The following ZNF654 variants were observed in gnomAD, a reference collection of about 807,000 sequenced individuals.
ZNF654 encodes the protein melanoma-associated antigen.
In ZNF654, 19 loss-of-function variants were observed where a neutral mutation model predicts 95.3. The ratio of observed to expected loss-of-function variants is 0.20; its 90% CI spans 0.14 to 0.29. The LOEUF is 0.29. Ranked by LOEUF, ZNF654 falls within the 10% of genes least tolerant of loss-of-function variation. The pLI, the probability that ZNF654 is intolerant of heterozygous loss-of-function variation, is 1.00. For synonymous variants in ZNF654, 413 were observed against 457.9 expected (o/e 0.90, Z 1.25); for missense variants, 1,046 against 1,341.0 (o/e 0.78, Z 3.44).
At chr3:88,075,718 T>C (rs1004007628) in intron 1 of ZNF654, among the ~76,000 whole-genome samples, 1 of 152,234 alleles carries the variant, frequency 6.6e-6, no homozygotes, top group African/African-American at 2.4e-5. Flanking sequence ...TTGTTTACAT[T>C]TGAGCCTGTT....
rs1182002181 is a variant in ZNF654 at position 88,142,293 on chromosome 3, AAAC to A, written c.*644_*646del. On this transcript the variant is annotated 3_prime_UTR_variant, in exon 9 of 9. Transcript: ENST00000636215. ...CGCCAGCATTGAAAATTAAAAAACA[AAAC>A]AAAAAAAACCACAGTGCTTTGCTAA... The A allele has an allele frequency of 7.1e-5, 4 of 56,074 alleles. No homozygotes were observed. The highest frequency in any genetic ancestry group is 1.3e-3 in the East Asian group (2 of 1,486). 3.5% of individuals were successfully genotyped at this position (56,074 alleles called of 1,614,324 possible).
chr3:88,128,019 T>G (rs1223276294), intron 4 of ZNF654, among the ~76,000 whole-genome samples: 1 of 152,238 alleles, frequency 6.6e-6, no homozygotes, highest in Non-Finnish European at 1.5e-5. Flanking sequence ...AAAATACTTC[T>G]GGATTCAAAA....
At chr3:88,106,119 C>G (rs757471977) in intron 2 of ZNF654, among the ~76,000 whole-genome samples, 5 of 152,164 alleles carry the variant, frequency 3.3e-5, no homozygotes, top group Non-Finnish European at 7.4e-5. Flanking sequence ...AAATAAGTTT[C>G]TCTTCATTAT....
At chr3:88,131,855 C>A (rs969929119) in intron 6 of ZNF654, among the ~76,000 whole-genome samples, 4 of 151,706 alleles carry the variant, frequency 2.6e-5, no homozygotes, top group Non-Finnish European at 4.4e-5. Flanking sequence ...TTTTTTCAGC[C>A]TCCAAAGTCT....
intron 7 of ZNF654, among the ~76,000 whole-genome samples, chr3:88,137,214 A>AG (rs1377884375): frequency 3.3e-5 from 5 of 151,362 alleles, no homozygotes; most frequent in Admixed American, 1.3e-4. Context: ...AAAAAAAAAA[A>AG]AAAAGGATGT....
At chr3:88,094,520 G>A (rs1373348169) in intron 2 of ZNF654, among the ~76,000 whole-genome samples, 2 of 152,082 alleles carry the variant, frequency 1.3e-5, no homozygotes, top group East Asian at 1.9e-4. Context: ...CTGTAGATGT[G>A]TAGTTTTGGA....
chr3:88,087,043 A>C (rs989461366), intron 2 of ZNF654, among the ~76,000 whole-genome samples: 5 of 151,610 alleles, frequency 3.3e-5, no homozygotes, highest in Admixed American at 2.6e-4. Flanking sequence ...TGGCCTCCCA[A>C]AGTGCTGGGA....
intron 2 of ZNF654, among the ~76,000 whole-genome samples, chr3:88,112,211 A>T (rs1301780409): frequency 6.6e-6 from 1 of 151,820 alleles, no homozygotes; most frequent in East Asian, 1.9e-4. Flanking sequence ...ATATAATTTT[A>T]AAAGCATATA....
At chr3:88,128,510 T>A (rs1559728820) in intron 4 of ZNF654, among the ~76,000 whole-genome samples, 1 of 152,126 alleles carries the variant, frequency 6.6e-6, no homozygotes. Flanking sequence ...GAACATATTT[T>A]AACATATTAA....
At chr3:88,131,809 A>G (rs886103571) in intron 6 of ZNF654, among the ~76,000 whole-genome samples, 6 of 151,880 alleles carry the variant, frequency 4.0e-5, no homozygotes, top group African/African-American at 7.3e-5. Context: ...CTTCCTATTA[A>G]AAGTTAATTT....
chr3:88,139,322 C>G lies in ZNF654; in HGVS notation c.1653C>G (p.Asn551Lys), dbSNP rs1159623776. 1 of 1,602,808 alleles carries G rather than the reference C, an allele frequency of 6.2e-7. No homozygotes were observed. The highest frequency in any genetic ancestry group is 2.2e-5 in the East Asian group (1 of 44,834). ...CAAGGCATCGTTGTATGTTATGTAA[C>G]AAGGAATTTTTAGGTGGTCACATTG... ...NVPRHRCMLC[N>K]KEFLGGHIVR... Residue 551 changes from asparagine (N) to lysine (K), a missense_variant, in exon 8 of 9, where the codon AAC (asparagine) becomes AAG (lysine). By Grantham distance (94) the Asn-to-Lys change is moderately conservative (BLOSUM62 0). Transcript: ENST00000636215.
At chr3:88,124,313 T>C (rs557933443) in intron 3 of ZNF654, among the ~76,000 whole-genome samples, 25 of 152,204 alleles carry the variant, frequency 1.6e-4, no homozygotes, top group Non-Finnish European at 3.5e-4. Flanking sequence ...AACTTGCCCA[T>C]TGTTGGTAGG....
intron 2 of ZNF654, among the ~76,000 whole-genome samples, chr3:88,100,738 C>T (rs1384938307): frequency 6.6e-6 from 1 of 151,972 alleles, no homozygotes; most frequent in Non-Finnish European, 1.5e-5. Flanking sequence ...CATGTTCTCA[C>T]TCATAGGTGG....
chr3:88,065,703 T>C (rs1467652063), intron 1 of ZNF654, among the ~76,000 whole-genome samples: 5 of 152,200 alleles, frequency 3.3e-5, no homozygotes, highest in Admixed American at 6.5e-5. Context: ...CATTTTCTTT[T>C]CCTACCTCAC....
Position 88,117,539 on chromosome 3 carries a change from G to C in ZNF654, c.414+4343G>C, listed in dbSNP as rs576537897. Among the ~76,000 whole-genome samples the C allele has an allele frequency of 2.6e-4, 40 of 152,206 alleles. No individual in the cohort carries two copies. In the Middle Eastern group the frequency reaches 0.01, roughly 39 times the overall value. On this transcript the variant is annotated intron_variant, in intron 3 of 8. Coordinates refer to ENST00000636215, the MANE Select transcript of ZNF654 (RefSeq NM_001350134.2). ...GGTCTTTTATCAGGACAACAAAGTAGTATGCCAGGTGATCAAAATAAAGAA... is the reference window on the plus strand; with the variant it reads ...GGTCTTTTATCAGGACAACAAAGTACTATGCCAGGTGATCAAAATAAAGAA...
chr3:88,135,108 C>A lies in ZNF654; in HGVS notation c.941C>A (p.Ser314Ter). The part of the protein sequence containing the change: ...WSKLQLKSNP[S>*]KQVFVDQCYQ... ...AAACTACAGCTTAAATCTAATCCTT[C>A]AAAACAAGTTTTTGTAGATCAATGC... The change falls in exon 7 of 9, where the codon TCA becomes TAA. Residue 314 changes from serine to a stop codon, truncating the protein, a stop_gained. Transcript: ENST00000636215. LOFTEE classifies it high-confidence loss of function. The A allele has an allele frequency of 6.8e-7, 1 of 1,478,336 alleles. No individual in the cohort carries two copies. 91.6% of individuals were successfully genotyped at this position (1,478,336 alleles called of 1,614,324 possible). A position where few individuals can be genotyped will look rare whatever the true frequency, so the allele number is the denominator to read the frequency against.
At chr3:88,115,827 T>G (rs1443253783) in intron 3 of ZNF654, among the ~76,000 whole-genome samples, 1 of 152,162 alleles carries the variant, frequency 6.6e-6, no homozygotes, top group African/African-American at 2.4e-5. Context: ...TCTAGCAGTT[T>G]TCGAGATTCC....
chr3:88,132,401 A>T (rs1235879419), intron 6 of ZNF654, among the ~76,000 whole-genome samples: 1 of 152,156 alleles, frequency 6.6e-6, no homozygotes, highest in African/African-American at 2.4e-5. Flanking sequence ...TTTCTAATGC[A>T]CACATTGAAT....
chr3:88,127,892 C>G (rs1576335313), intron 4 of ZNF654, among the ~76,000 whole-genome samples: 1 of 152,136 alleles, frequency 6.6e-6, no homozygotes, highest in East Asian at 1.9e-4. Flanking sequence ...TTTGCATTAA[C>G]AATACAAATC....
Sources: allele counts gnomAD v4.1 joint callset (sites outside exome capture counted in the v4.1 genomes callset), GRCh38; gene constraint gnomAD v4.1.1; transcripts MANE v1.5; gene names NCBI Gene and HGNC (gene_info 2026-07-23, HGNC 2026-07-21).